The following SGCZ variants were observed in gnomAD, a reference collection of about 807,000 sequenced individuals.
The protein encoded by SGCZ is zeta-sarcoglycan.
In SGCZ, 40 loss-of-function variants were observed where a neutral mutation model predicts 41.3. The observed-to-expected ratio is 0.97, with a 90% CI of 0.75 to 1.26. The LOEUF (loss-of-function observed/expected upper bound fraction) is 1.26. Among genes scored for constraint, SGCZ ranks in the 50% most tolerant of loss-of-function variants. The probability of loss-of-function intolerance (pLI) is 0.00; values close to 1 mark genes in which losing one functional copy is unlikely to be tolerated. For missense variants in SGCZ, 552 were observed against 369.8 expected (o/e 1.49, Z -4.04); for synonymous variants, 206 against 137.5 (o/e 1.50, Z -3.49).
In SGCZ at chr8:14,495,044, T is replaced by C. The variant is rs139558097; in HGVS notation, c.234+59688A>G. ...GTTTCTGGAGCTCCCATTCTGAACA[T>C]GCTCCCCAGTTGATTCTTCATGGGC... is the stretch of plus-strand genomic sequence containing the variant. On this transcript the variant is annotated intron_variant, in intron 2 of 7. Coordinates refer to ENST00000382080, the MANE Select transcript of SGCZ (RefSeq NM_139167.4). 3.5e-3 allele frequency among the ~76,000 whole-genome samples: 536 copies of C among 152,310 alleles called. 9 individuals carry two copies. The highest frequency in any genetic ancestry group is 0.028 in the Admixed American group (427 of 15,286).
chr8:14,453,505 G>C (rs1800657274), intron 2 of SGCZ, among the ~76,000 whole-genome samples: 1 of 152,064 alleles, frequency 6.6e-6, no homozygotes, highest in African/African-American at 2.4e-5. Context: ...AAAACTAAAA[G>C]ATTGACATAA....
At chr8:14,534,389 C>A (rs945308929) in intron 2 of SGCZ, among the ~76,000 whole-genome samples, 1 of 151,994 alleles carries the variant, frequency 6.6e-6, no homozygotes. Flanking sequence ...GTGACTATTT[C>A]TTCTTACTGG....
At chr8:14,751,825 G>T (rs1428265241) in intron 1 of SGCZ, among the ~76,000 whole-genome samples, 1 of 82 alleles carries the variant, frequency 0.012, no homozygotes, top group Non-Finnish European at 0.025. Flanking sequence ...TAGGATTACA[G>T]GTTGTGAGCC....
intron 4 of SGCZ, among the ~76,000 whole-genome samples, chr8:14,177,675 ATTTTTTTTT>A (rs1193141913): frequency 9.0e-6 from 1 of 111,338 alleles, no homozygotes; most frequent in Non-Finnish European, 1.8e-5. Context: ...ACGCCCTGCT[ATTTTTTTTT>A]TTTTTTTTTT....
chr8:15,132,594 T>C (rs2116976753), intron 1 of SGCZ, among the ~76,000 whole-genome samples: 1 of 152,322 alleles, frequency 6.6e-6, no homozygotes, highest in Non-Finnish European at 1.5e-5. Context: ...TCTTGACTAA[T>C]AATTTAACCA....
At chr8:14,679,175 A>T (rs1258689223) in intron 1 of SGCZ, among the ~76,000 whole-genome samples, 1 of 152,166 alleles carries the variant, frequency 6.6e-6, no homozygotes, top group Admixed American at 6.5e-5. Context: ...AATTACTTAC[A>T]ATACATAATA....
intron 1 of SGCZ, among the ~76,000 whole-genome samples, chr8:15,091,297 A>G (rs1563120223): frequency 6.6e-6 from 1 of 152,214 alleles, no homozygotes; most frequent in African/African-American, 2.4e-5. Context: ...TGAGACTAAT[A>G]GTGTGTGTTA....
intron 1 of SGCZ, among the ~76,000 whole-genome samples, chr8:14,897,959 T>TA (rs749105859): frequency 1.3e-4 from 20 of 152,282 alleles, no homozygotes; most frequent in Non-Finnish European, 2.4e-4. Flanking sequence ...CCTACCCTAA[T>TA]AAGGCTTGTA....
At chr8:14,840,144 A>G (rs962759242) in intron 1 of SGCZ, among the ~76,000 whole-genome samples, 2 of 152,100 alleles carry the variant, frequency 1.3e-5, no homozygotes, top group Non-Finnish European at 2.9e-5. Context: ...TGTTAATATG[A>G]TTTGAATGTA....
rs138535050 is a variant in SGCZ, at chr8:14,788,622, G to A, written c.40-233696C>T. ...GGTAGAAAAGTTAAAGAGGCAATAC[G>A]TGTATATGCATAGTAAATGTTAGGT... On this transcript the variant is annotated intron_variant, in intron 1 of 7. Coordinates refer to ENST00000382080, the MANE Select transcript of SGCZ (RefSeq NM_139167.4). 3.5e-3 allele frequency among the ~76,000 whole-genome samples: 536 copies of A among 152,208 alleles called. 1 individual carries two copies. Among genetic ancestry groups the A allele is most frequent in the African/African-American group, 0.012 (485 of 41,548 alleles).
intron 1 of SGCZ, among the ~76,000 whole-genome samples, chr8:14,691,641 A>T (rs74669091): frequency 0.01 from 1,576 of 152,222 alleles, 15 homozygotes; most frequent in Non-Finnish European, 0.018. Context: ...TATTTGACTC[A>T]TATAGTAGAA....
At chr8:14,205,124 G>T (rs928568949) in intron 4 of SGCZ, among the ~76,000 whole-genome samples, 1 of 151,736 alleles carries the variant, frequency 6.6e-6, no homozygotes, top group South Asian at 2.1e-4. Context: ...CAAAATACAT[G>T]CATCAGCCTT....
chr8:15,195,937 G>T (rs1314065083), intron 1 of SGCZ, among the ~76,000 whole-genome samples: 2 of 98,578 alleles, frequency 2.0e-5, no homozygotes, highest in African/African-American at 4.1e-5. Flanking sequence ...TCGCTCTGTC[G>T]CCCAGGCTGG....
intron 1 of SGCZ, among the ~76,000 whole-genome samples, chr8:14,769,840 C>T (rs73531177): frequency 0.063 from 7,619 of 120,334 alleles, 771 homozygotes; most frequent in African/African-American, 0.22. Flanking sequence ...ACTTCAATGG[C>T]TCCACTTCTT....
At chr8:14,976,130 C>A (rs749158319) in intron 1 of SGCZ, among the ~76,000 whole-genome samples, 25 of 151,586 alleles carry the variant, frequency 1.6e-4, no homozygotes, top group Non-Finnish European at 2.8e-4. Context: ...TCAAGCGATT[C>A]TCTCGCCCCA....
intron 5 of SGCZ, among the ~76,000 whole-genome samples, chr8:14,116,570 A>G (rs1394142690): frequency 2.6e-5 from 4 of 152,122 alleles, no homozygotes; most frequent in Non-Finnish European, 5.9e-5. Flanking sequence ...CGACATGCAT[A>G]GAGTCCAAAT....
chr8:14,399,758 A>G (rs1799020858), intron 2 of SGCZ, among the ~76,000 whole-genome samples: 1 of 152,128 alleles, frequency 6.6e-6, no homozygotes, highest in African/African-American at 2.4e-5. Context: ...TGTATTTTAC[A>G]TTTTCTAAAA....
chr8:14,730,994 A>G (rs1034058878), intron 1 of SGCZ, among the ~76,000 whole-genome samples: 4 of 151,760 alleles, frequency 2.6e-5, no homozygotes, highest in African/African-American at 9.7e-5. Flanking sequence ...TCAAGAATCT[A>G]GAACCAGAAA....
chr8:15,176,676 A>G (rs1285950820), intron 1 of SGCZ, among the ~76,000 whole-genome samples: 2 of 152,214 alleles, frequency 1.3e-5, no homozygotes, highest in African/African-American at 4.8e-5. Flanking sequence ...TTCTCCTAAT[A>G]ATTTCCTCAG....
Sources: gnomAD v4.1 joint callset for allele counts (sites outside exome capture counted in the v4.1 genomes callset) on GRCh38, gnomAD v4.1.1 for gene constraint, MANE v1.5 for transcripts, NCBI Gene and HGNC (gene_info 2026-07-23, HGNC 2026-07-21) for gene names.